The following EGFLAM variants were observed in gnomAD, a reference collection of about 807,000 sequenced individuals.
The protein encoded by EGFLAM is pikachurin.
In EGFLAM, 79 loss-of-function variants were observed where a neutral mutation model predicts 113.1. The ratio of observed to expected loss-of-function variants is 0.70; its 90% confidence interval spans 0.58 to 0.84. The LOEUF is 0.84. Ranked by LOEUF, EGFLAM falls within the 40% of genes least tolerant of loss-of-function variation. The pLI, the probability that EGFLAM is intolerant of heterozygous loss-of-function variation, is 0.00. For synonymous variants in EGFLAM, 504 were observed against 487.6 expected, an observed-to-expected ratio of 1.03 and a Z score of -0.44; for missense variants, 1,265 against 1,291.6, an observed-to-expected ratio of 0.98 and a Z score of 0.32.
At chr5:38,360,803 A>T (rs1265744250) in intron 5 of EGFLAM, among the ~76,000 whole-genome samples, 1 of 150,912 alleles carries the variant, frequency 6.6e-6, no homozygotes. Flanking sequence ...CTTCCTGGCT[A>T]CAAGTGTGTT....
intron 6 of EGFLAM, among the ~76,000 whole-genome samples, chr5:38,381,190 G>A (rs998835769): frequency 6.6e-6 from 1 of 152,022 alleles, no homozygotes; most frequent in Non-Finnish European, 1.5e-5. Context: ...ATAATGTCAT[G>A]GCTAATCTTT....
chr5:38,333,663 T>C (rs954681384), intron 1 of EGFLAM, among the ~76,000 whole-genome samples: 5 of 152,178 alleles, frequency 3.3e-5, no homozygotes, highest in African/African-American at 1.2e-4. Flanking sequence ...TTTTCTCTTG[T>C]AAATTTGTTT....
At chr5:38,370,947 G>A (rs1004490084) in intron 6 of EGFLAM, among the ~76,000 whole-genome samples, 1 of 152,182 alleles carries the variant, frequency 6.6e-6, no homozygotes, top group African/African-American at 2.4e-5. Flanking sequence ...AGCTGGGGCT[G>A]TAGCCAATGG....
At chr5:38,351,329 G>A (rs1331101623) in intron 4 of EGFLAM, among the ~76,000 whole-genome samples, 2 of 151,926 alleles carry the variant, frequency 1.3e-5, no homozygotes, top group South Asian at 2.1e-4. Context: ...GGCTGGTCTC[G>A]AACTCCTGAC....
At chr5:38,290,729 C>G (rs1284738960) in intron 1 of EGFLAM, 1 of 152,286 alleles carries the variant, frequency 6.6e-6, no homozygotes, top group Non-Finnish European at 1.5e-5. Flanking sequence ...AGCTCAGTTG[C>G]TTTCTCCATG....
At chr5:38,381,196 T>A (rs1740502746) in intron 6 of EGFLAM, among the ~76,000 whole-genome samples, 1 of 152,242 alleles carries the variant, frequency 6.6e-6, no homozygotes, top group Non-Finnish European at 1.5e-5. Context: ...TCATGGCTAA[T>A]CTTTTCTGTT....
chr5:38,338,772 C>T lies in EGFLAM; in HGVS notation c.282C>T (p.Ile94=), dbSNP rs779391735. The stretch of plus-strand genomic sequence containing the variant: ...ACAGCGTGCCTCTCAGCCGGGACAT[C>T]CCGACCACGGTGAGTCTTTCCATCC... ...QLHSVPLSRD[I]PTTEEVIGDL... is the part of the protein sequence containing the mutation. Residue 94 remains isoleucine, a synonymous_variant, in exon 3 of 22, where the codon ATC becomes ATT. Coordinates refer to ENST00000322350, the MANE Select transcript of EGFLAM (RefSeq NM_152403.4). The T allele has an allele frequency of 6.2e-7, 1 of 1,614,154 alleles. No homozygotes were observed. The highest frequency in any genetic ancestry group is 1.7e-5 in the Admixed American group (1 of 60,024).
At chr5:38,290,499 T>G (rs1297609360) in intron 1 of EGFLAM, 1 of 152,172 alleles carries the variant, frequency 6.6e-6, no homozygotes, top group Admixed American at 6.5e-5. Context: ...TTAAACCCAG[T>G]CTTGTTCCAA....
At chr5:38,352,074 T>C (rs79200097) in intron 4 of EGFLAM, 122 bp from the exon 5 acceptor site, 66,245 of 1,400,682 alleles carry the variant, frequency 0.047, 2,080 homozygotes, top group East Asian at 0.12. Context: ...TAGGAAGCAC[T>C]CGAGCTGTTT....
chr5:38,348,425 C>T (rs563124192), intron 3 of EGFLAM, among the ~76,000 whole-genome samples: 9 of 152,100 alleles, frequency 5.9e-5, no homozygotes, highest in African/African-American at 1.7e-4. Flanking sequence ...AGGAGGAACA[C>T]GAGAAGTAGA....
intron 6 of EGFLAM, among the ~76,000 whole-genome samples, chr5:38,390,812 A>G (rs1740788163): frequency 6.6e-6 from 1 of 152,110 alleles, no homozygotes; most frequent in African/African-American, 2.4e-5. Context: ...TGTCCATTTT[A>G]TTGGTATAAA....
chr5:38,381,424 C>A (rs1261780188), intron 6 of EGFLAM, among the ~76,000 whole-genome samples: 1 of 152,126 alleles, frequency 6.6e-6, no homozygotes, highest in Non-Finnish European at 1.5e-5. Context: ...GATAATGCAA[C>A]CGAATACGAA....
chr5:38,343,030 G>C (rs985343368), intron 3 of EGFLAM, among the ~76,000 whole-genome samples: 1 of 152,128 alleles, frequency 6.6e-6, no homozygotes, highest in Non-Finnish European at 1.5e-5. Context: ...ATCAGAAGAC[G>C]TGTTCCTGCT....
intron 6 of EGFLAM, among the ~76,000 whole-genome samples, chr5:38,392,732 G>A (rs921226227): frequency 7.9e-5 from 12 of 151,946 alleles, no homozygotes; most frequent in Non-Finnish European, 1.3e-4. Flanking sequence ...TGTGCACAAC[G>A]TGCAGGTTTG....
intron 1 of EGFLAM, among the ~76,000 whole-genome samples, chr5:38,316,882 G>A (rs1738607813): frequency 6.6e-6 from 1 of 152,178 alleles, no homozygotes; most frequent in South Asian, 2.1e-4. Flanking sequence ...AAGAAAAAAT[G>A]ATAGCAAGAG....
chr5:38,452,930 G>A (rs1313532105), intron 19 of EGFLAM, among the ~76,000 whole-genome samples: 1 of 152,180 alleles, frequency 6.6e-6, no homozygotes, highest in Non-Finnish European at 1.5e-5. Context: ...TGAAAGCTGA[G>A]CTTCCAAGGG....
rs967886707 is a variant in EGFLAM, at chr5:38,427,056, G to A, written c.1858G>A (p.Ala620Thr). Residue 620 changes from alanine (A) to threonine (T), a missense_variant, in exon 14 of 22, where the codon GCT becomes ACT. Transcript: ENST00000322350. ...GTTCAGAGAGTCTCTGAGATCTTACGCTGCAACTCCCTGGCCACTGGAGCC... is the reference window on the plus strand; with the variant it reads ...GTTCAGAGAGTCTCTGAGATCTTACACTGCAACTCCCTGGCCACTGGAGCC... ...PQFRESLRSY[A>T]ATPWPLEPQH... 10 of 1,613,866 alleles carry A rather than the reference G, an allele frequency of 6.2e-6. No individual in the cohort carries two copies. The highest frequency in any genetic ancestry group is 2.2e-5 in the South Asian group (2 of 91,070).
At chr5:38,354,230 TG>T (rs1739704371) in intron 5 of EGFLAM, among the ~76,000 whole-genome samples, 1 of 152,112 alleles carries the variant, frequency 6.6e-6, no homozygotes, top group Non-Finnish European at 1.5e-5. Flanking sequence ...GAACAGATTT[TG>T]TAGGCAAAAC....
chr5:38,317,858 A>T lies in EGFLAM; in HGVS notation c.98-19662A>T, dbSNP rs546081089. Among the ~76,000 whole-genome samples the T allele has an allele frequency of 3.3e-5, 5 of 152,340 alleles. No homozygotes were observed. In the South Asian group the frequency reaches 6.2e-4, roughly 19 times the overall value. On this transcript the variant is annotated intron_variant, in intron 1 of 21. Transcript: ENST00000322350. ...TGGCCCAGTATGAGGGTAAGGGGGA[A>T]GTTGCTTCCTAAGGCAGGTGTAGAT...
Sources: allele counts gnomAD v4.1 joint callset (sites outside exome capture counted in the v4.1 genomes callset), GRCh38; gene constraint gnomAD v4.1.1; transcripts MANE v1.5; gene names NCBI Gene and HGNC (gene_info 2026-07-23, HGNC 2026-07-21).